The following PARD3 variants were observed in gnomAD, a reference collection of about 807,000 sequenced individuals.
The protein encoded by PARD3 is par-3 family cell polarity regulator, also known as partitioning defective 3 homolog.
In PARD3, 75 loss-of-function variants were observed where a neutral mutation model predicts 155.4. That is an observed-to-expected ratio of 0.48 (90% CI 0.40 to 0.58). PARD3 has a LOEUF of 0.58. PARD3 is among the 20% of genes least tolerant of loss of function. PARD3 has a pLI of 0.00. For synonymous variants in PARD3, 576 were observed against 610.5 expected, an observed-to-expected ratio of 0.94 and a Z score of 0.83; for missense variants, 1,642 against 1,721.7, an observed-to-expected ratio of 0.95 and a Z score of 0.82.
At chr10:34,160,005 A>T (rs1171719839) in intron 22 of PARD3, among the ~76,000 whole-genome samples, 2 of 152,234 alleles carry the variant, frequency 1.3e-5, no homozygotes, top group African/African-American at 4.8e-5. Flanking sequence ...TCAAGGGTGC[A>T]TTGGAAGAAC....
chr10:34,637,877 A>C (rs538737974), intron 2 of PARD3, among the ~76,000 whole-genome samples: 1 of 152,342 alleles, frequency 6.6e-6, no homozygotes, highest in East Asian at 1.9e-4. Flanking sequence ...GCAGGCGTGA[A>C]ATATATTCAA....
chr10:34,546,492 G>A (rs1157357669), intron 2 of PARD3, among the ~76,000 whole-genome samples: 4 of 150,896 alleles, frequency 2.7e-5, no homozygotes, highest in Non-Finnish European at 4.4e-5. Flanking sequence ...ACACCAGCCC[G>A]GGCAACAGTG....
intron 1 of PARD3, among the ~76,000 whole-genome samples, chr10:34,783,118 T>G (rs1031115759): frequency 1.3e-5 from 2 of 152,322 alleles, no homozygotes; most frequent in Admixed American, 1.3e-4. Flanking sequence ...TGAATTTACT[T>G]AATCCAAGGG....
At chr10:34,447,468 A>C (rs1044103710) in intron 5 of PARD3, among the ~76,000 whole-genome samples, 1 of 125,070 alleles carries the variant, frequency 8.0e-6, no homozygotes, top group South Asian at 2.8e-4. Flanking sequence ...GCAACAGAGC[A>C]AGACTGCGTC....
intron 3 of PARD3, among the ~76,000 whole-genome samples, chr10:34,476,101 C>G (rs548971009): frequency 6.6e-6 from 1 of 151,814 alleles, no homozygotes; most frequent in Non-Finnish European, 1.5e-5. Flanking sequence ...CCAAGCTGGG[C>G]AACACAGTGA....
At chr10:34,561,622 A>G (rs11009814) in intron 2 of PARD3, among the ~76,000 whole-genome samples, 72,015 of 151,428 alleles carry the variant, frequency 0.48, 17,948 homozygotes, top group African/African-American at 0.64. Context: ...GGGTTCAAGC[A>G]ATTCTCCTGC....
chr10:34,303,967 G>C (rs1345033268), intron 20 of PARD3, among the ~76,000 whole-genome samples: 4 of 152,180 alleles, frequency 2.6e-5, no homozygotes, highest in African/African-American at 4.8e-5. Flanking sequence ...GTGGCATGCA[G>C]TAAGGAAAGG....
At chr10:34,359,952 T>C in intron 13 of PARD3, 119 bp downstream of exon 13, 1 of 721,382 alleles carries the variant, frequency 1.4e-6, no homozygotes, top group Non-Finnish European at 2.3e-6. Flanking sequence ...TAAATGTGAA[T>C]GTGGGTACCA....
chr10:34,219,554 C>T (rs1952175310), intron 22 of PARD3, among the ~76,000 whole-genome samples: 2 of 152,124 alleles, frequency 1.3e-5, no homozygotes, highest in African/African-American at 4.8e-5. Context: ...TTTAATAGGG[C>T]TGGTAATGAG....
At chr10:34,564,583 G>C (rs1314783962) in intron 2 of PARD3, among the ~76,000 whole-genome samples, 26 of 152,232 alleles carry the variant, frequency 1.7e-4, no homozygotes. Flanking sequence ...ATTCGGAAAA[G>C]AGCTAGCGAA....
chr10:34,424,704 G>A (rs1020078281), intron 5 of PARD3, among the ~76,000 whole-genome samples: 12 of 151,970 alleles, frequency 7.9e-5, no homozygotes, highest in South Asian at 2.1e-4. Context: ...TAGTAGAGAC[G>A]GGGTTTCGTC....
rs370997948 is a variant in PARD3, at chr10:34,195,329, T to A, written c.3420-63746A>T. Among the ~76,000 whole-genome samples the A allele has an allele frequency of 3.3e-5, 5 of 152,218 alleles. No homozygotes were observed. The East Asian group carries it at 9.6e-4, about 29-fold the overall frequency. ...ACCACACTGAGCAAAGTGTCTACTC[T>A]TTTCTTTGTTGTTCAAGTAGTGCCT... On this transcript the variant is annotated intron_variant, in intron 22 of 24. Coordinates refer to ENST00000374788, the MANE Select transcript of PARD3 (RefSeq NM_001184785.2).
At chr10:34,621,227 G>A (rs2091656119) in intron 2 of PARD3, among the ~76,000 whole-genome samples, 2 of 151,634 alleles carry the variant, frequency 1.3e-5, no homozygotes, top group South Asian at 2.1e-4. Context: ...TTGTTGTTTT[G>A]GGGGTTTCTT....
chr10:34,454,876 G>A (rs1376915689), intron 4 of PARD3, among the ~76,000 whole-genome samples: 1 of 152,116 alleles, frequency 6.6e-6, no homozygotes, highest in Non-Finnish European at 1.5e-5. Flanking sequence ...GCGGTATCCT[G>A]GCTATGGAGA....
chr10:34,589,318 G>A (rs1211069827), intron 2 of PARD3, among the ~76,000 whole-genome samples: 4 of 152,116 alleles, frequency 2.6e-5, no homozygotes, highest in East Asian at 1.9e-4. Context: ...AAAATGTCAC[G>A]TTGAAGTCCT....
intron 2 of PARD3, among the ~76,000 whole-genome samples, chr10:34,546,283 C>T (rs1369674574): frequency 2.0e-5 from 3 of 151,724 alleles, no homozygotes; most frequent in South Asian, 4.2e-4. Flanking sequence ...TTTGGGAGGC[C>T]GAGGTGGGTG....
chr10:34,339,719 A>G (rs1301082258), intron 16 of PARD3, among the ~76,000 whole-genome samples: 1 of 152,210 alleles, frequency 6.6e-6, no homozygotes, highest in African/African-American at 2.4e-5. Context: ...AGTGAACTAC[A>G]TGTACAATTT....
intron 22 of PARD3, among the ~76,000 whole-genome samples, chr10:34,265,706 T>C (rs1249526280): frequency 6.6e-6 from 1 of 152,256 alleles, no homozygotes; most frequent in East Asian, 1.9e-4. Flanking sequence ...AAGCATATTC[T>C]AGATCTTCTT....
chr10:34,512,550 G>A (rs1218913637), intron 3 of PARD3, among the ~76,000 whole-genome samples: 2 of 152,134 alleles, frequency 1.3e-5, no homozygotes, highest in Non-Finnish European at 2.9e-5. Flanking sequence ...ATTTCTCTAA[G>A]AAGCTCTGAT....
Sources: allele counts gnomAD v4.1 joint callset (sites outside exome capture counted in the v4.1 genomes callset), GRCh38; gene constraint gnomAD v4.1.1; transcripts MANE v1.5; gene names NCBI Gene and HGNC (gene_info 2026-07-23, HGNC 2026-07-21).